Variants in CBFA2T3 observed in about 807,000 individuals in gnomAD.
The protein encoded by CBFA2T3 is transcriptional corepressor CBFA2T3.
A neutral mutation model predicts 58.6 loss-of-function variants in CBFA2T3; 31 were observed. That is an observed-to-expected ratio of 0.53 (90% CI 0.40 to 0.71). The LOEUF (loss-of-function observed/expected upper bound fraction) is 0.71, where lower values mean the gene tolerates loss of function less well. CBFA2T3 is among the 30% of genes least tolerant of loss of function. The pLI is 0.00. For synonymous variants in CBFA2T3, 531 were observed against 421.9 expected (o/e 1.26, Z -3.17); for missense variants, 1,076 against 963.1 (o/e 1.12, Z -1.55).
At chr16:88,931,566 C>T (rs1597746309) in intron 1 of CBFA2T3, among the ~76,000 whole-genome samples, 1 of 151,326 alleles carries the variant, frequency 6.6e-6, no homozygotes, top group East Asian at 2.0e-4. Flanking sequence ...TGGAGAAGGG[C>T]CGTGGGCCGG....
chr16:88,883,179 G>A (rs566338082), intron 7 of CBFA2T3: 9 of 267,608 alleles, frequency 3.4e-5, no homozygotes, highest in Non-Finnish European at 6.7e-5. Context: ...AGCGTGGCCT[G>A]AGGATGCCTC....
intron 1 of CBFA2T3, among the ~76,000 whole-genome samples, 170 bp from the exon 2 acceptor site, chr16:88,901,826 G>A (rs1455472913): frequency 6.6e-6 from 1 of 152,174 alleles, no homozygotes; most frequent in Non-Finnish European, 1.5e-5. Flanking sequence ...AGGATCACGG[G>A]GGCAGAACCA....
intron 8 of CBFA2T3, among the ~76,000 whole-genome samples, chr16:88,881,899 G>A (rs113204232): frequency 3.9e-5 from 6 of 152,362 alleles, no homozygotes; most frequent in African/African-American, 1.4e-4. Context: ...CGTGCTGCAG[G>A]ATGGGGTGGG....
At chr16:88,972,526 T>A (rs1239092441) in intron 1 of CBFA2T3, among the ~76,000 whole-genome samples, 1 of 152,176 alleles carries the variant, frequency 6.6e-6, no homozygotes, top group African/African-American at 2.4e-5. Context: ...GGCAGCCCTG[T>A]CCCCTTGCGA....
chr16:88,924,473 C>T (rs149408876), intron 1 of CBFA2T3, among the ~76,000 whole-genome samples: 2 of 152,108 alleles, frequency 1.3e-5, no homozygotes, highest in African/African-American at 4.8e-5. Context: ...GCCTTGGAGA[C>T]GGGTCCAGCA....
At chr16:88,935,432 G>A (rs118022586) in intron 1 of CBFA2T3, among the ~76,000 whole-genome samples, 3,762 of 152,310 alleles carry the variant, frequency 0.025, 82 homozygotes, top group Middle Eastern at 0.11. Context: ...AGGTGGCCTC[G>A]GCTCCCAAGT....
Position 88,935,770 on chromosome 16 carries a change from G to A in CBFA2T3, c.152-34114C>T, listed in dbSNP as rs186300780. On this transcript the variant is annotated intron_variant, in intron 1 of 11. Transcript: ENST00000268679. ...CACCACTGAGCCTCAGGACACCACC[G>A]GGTGTCCCCCCAGAAAAGGGACGAG... is the stretch of plus-strand genomic sequence containing the variant. Among the ~76,000 whole-genome samples, 949 of 152,362 alleles carry A rather than the reference G, an allele frequency of 6.2e-3. 5 individuals are homozygous for A. The highest frequency in any genetic ancestry group is 0.01 in the Non-Finnish European group (713 of 68,026).
intron 1 of CBFA2T3, among the ~76,000 whole-genome samples, chr16:88,906,716 A>T (rs1970350157): frequency 1.3e-5 from 2 of 152,198 alleles, no homozygotes; most frequent in Admixed American, 1.3e-4. Context: ...GGGCCCTGTC[A>T]CTACGCCCAC....
rs182624330 is a variant in CBFA2T3 at position 88,898,793 on chromosome 16, C to T, written c.305-641G>A. On this transcript the variant is annotated intron_variant, in intron 2 of 11. Coordinates refer to ENST00000268679, the MANE Select transcript of CBFA2T3 (RefSeq NM_005187.6). ...ATCCCAGCACTTTGGGAGGCTGAGG[C>T]GGGAGGATTGCTTGAGCCCAGGAGT... Among the ~76,000 whole-genome samples the T allele has an allele frequency of 3.9e-3, 595 of 152,218 alleles. 1 individual carries two copies. The highest frequency in any genetic ancestry group is 0.013 in the African/African-American group (554 of 41,540).
chr16:88,973,909 TCCCGCCTTGCCCGGTCCCCATAACACCC>T (rs1567642999), intron 1 of CBFA2T3, among the ~76,000 whole-genome samples: 1 of 151,022 alleles, frequency 6.6e-6, no homozygotes. Context: ...CCATAACATC[TCCCGCCTTGCCCGGTCCCCATAACACCC>T]GCCCGCCTTT....
chr16:88,956,723 G>C (rs1026955542), intron 1 of CBFA2T3, among the ~76,000 whole-genome samples: 2 of 152,238 alleles, frequency 1.3e-5, no homozygotes, highest in Admixed American at 1.3e-4. Context: ...GGGAGAAAGA[G>C]GCGCTCCAGG....
At position 88,894,821 on chromosome 16, in the gene CBFA2T3, C is replaced by T. The variant is rs551897342; in HGVS notation, c.380-2336G>A. Among the ~76,000 whole-genome samples the T allele has an allele frequency of 3.9e-5, 6 of 152,258 alleles. No homozygotes were observed. In the South Asian group the frequency reaches 6.2e-4, roughly 16 times the overall value. On this transcript the variant is annotated intron_variant, in intron 3 of 11. Transcript: ENST00000268679. ...GTTCGCACCTGTGGCTGAGACCTGG[C>T]GGGGCCTGTGTGCGCCGAGGAGGAG...
At chr16:88,898,400 C>T (rs1231694407) in intron 2 of CBFA2T3, among the ~76,000 whole-genome samples, 2 of 152,200 alleles carry the variant, frequency 1.3e-5, no homozygotes, top group African/African-American at 2.4e-5. Context: ...TCCTGCTTCT[C>T]AGAGTGATTT....
chr16:88,952,871 A>G (rs4782497), intron 1 of CBFA2T3, among the ~76,000 whole-genome samples: 108,314 of 131,482 alleles, frequency 0.82, 43,663 homozygotes, highest in East Asian at 0.97. Flanking sequence ...CCCCACCCCC[A>G]CACCCTGGGG....
intron 1 of CBFA2T3, among the ~76,000 whole-genome samples, chr16:88,907,251 C>G (rs12443964): frequency 6.6e-6 from 1 of 152,200 alleles, no homozygotes; most frequent in Non-Finnish European, 1.5e-5. Flanking sequence ...GAGGCCTGGC[C>G]GCCCAGCACA....
At chr16:88,945,214 G>T (rs957030508) in intron 1 of CBFA2T3, among the ~76,000 whole-genome samples, 5 of 152,084 alleles carry the variant, frequency 3.3e-5, no homozygotes, top group African/African-American at 1.2e-4. Flanking sequence ...GAATAAACTC[G>T]TCTTAAACAC....
chr16:88,895,912 G>C (rs2142608945), intron 3 of CBFA2T3, among the ~76,000 whole-genome samples: 1 of 152,312 alleles, frequency 6.6e-6, no homozygotes, highest in African/African-American at 2.4e-5. Context: ...ATTTGCAAAT[G>C]GCTCCCAACC....
chr16:88,882,736 T>G lies in CBFA2T3; in HGVS notation c.1143A>C (p.Glu381Asp), dbSNP rs1384456725. 2 of 1,586,910 alleles carry G rather than the reference T, an allele frequency of 1.3e-6. No homozygotes were observed. Among genetic ancestry groups the G allele is most frequent in the Non-Finnish European group, 1.7e-6 (2 of 1,166,798 alleles). The change falls in exon 8 of 12, where the codon GAA (glutamate) becomes GAC (aspartate). Residue 381 changes from glutamate to aspartate, a missense_variant. By Grantham distance (45) the Glu-to-Asp change is conservative (BLOSUM62 2). Coordinates refer to ENST00000268679, the MANE Select transcript of CBFA2T3 (RefSeq NM_005187.6). ...GCTCTGTGAGCTTGTGGTCGATCACTTCTTCCTGCCGGGACCCAGGCACCA... is the reference window on the plus strand; with the variant it reads ...GCTCTGTGAGCTTGTGGTCGATCACGTCTTCCTGCCGGGACCCAGGCACCA... ...PLVVPGSRQE[E>D]VIDHKLTERE... is the part of the protein sequence containing the mutation.
chr16:88,976,509 TTGA>T, intron 1 of CBFA2T3, 145 bp downstream of exon 1: 3 of 644,180 alleles, frequency 4.7e-6, no homozygotes, highest in Non-Finnish European at 8.0e-6. Context: ...GGTGGCCCTG[TTGA>T]TATCTGAGGT....
Sources: allele counts gnomAD v4.1 joint callset (sites outside exome capture counted in the v4.1 genomes callset), GRCh38; gene constraint gnomAD v4.1.1; transcripts MANE v1.5; gene names NCBI Gene and HGNC (gene_info 2026-07-23, HGNC 2026-07-21).